Variants in SLC44A5 observed in about 807,000 individuals in gnomAD.
SLC44A5 encodes the protein choline transporter-like protein 5.
A neutral mutation model predicts 101.8 loss-of-function variants in SLC44A5; 57 were observed. The observed-to-expected ratio is 0.56, with a 90% CI of 0.45 to 0.70. SLC44A5 has a LOEUF of 0.70. Among genes scored for constraint, SLC44A5 ranks in the 30% least tolerant of loss-of-function variants. SLC44A5 has a pLI of 0.00. For synonymous variants in SLC44A5, 281 were observed against 290.9 expected (o/e 0.97, Z 0.35); for missense variants, 737 against 853.1 (o/e 0.86, Z 1.70).
intron 3 of SLC44A5, among the ~76,000 whole-genome samples, chr1:75,350,593 G>T (rs971232757): frequency 1.3e-5 from 2 of 150,876 alleles, no homozygotes; most frequent in Admixed American, 1.3e-4. Context: ...AAAAAACAAG[G>T]ATAGAAAAAG....
chr1:75,615,008 G>A (rs1392841303), upstream of SLC44A5, among the ~76,000 whole-genome samples: 1 of 152,040 alleles, frequency 6.6e-6, no homozygotes, highest in Non-Finnish European at 1.5e-5. Context: ...GCGACCCCTA[G>A]GCAAGACGCA....
At chr1:75,531,769 T>G (rs1430590850) in intron 2 of SLC44A5, among the ~76,000 whole-genome samples, 1 of 152,234 alleles carries the variant, frequency 6.6e-6, no homozygotes, top group Admixed American at 6.5e-5. Flanking sequence ...AAACTTTCAG[T>G]GCTTCCCTCT....
intron 3 of SLC44A5, among the ~76,000 whole-genome samples, chr1:75,362,848 G>A (rs57312076): frequency 0.38 from 57,278 of 151,724 alleles, 10,901 homozygotes; most frequent in Middle Eastern, 0.46. Context: ...AAGTCCACGC[G>A]AGTATAAGTA....
At chr1:75,388,908 C>CTGTCTTCAA (rs1294010618) in intron 3 of SLC44A5, among the ~76,000 whole-genome samples, 1 of 152,154 alleles carries the variant, frequency 6.6e-6, no homozygotes, top group Non-Finnish European at 1.5e-5. Context: ...CAACCTTTCT[C>CTGTCTTCAA]TGTCTTCAAG....
intron 2 of SLC44A5, among the ~76,000 whole-genome samples, chr1:75,454,421 T>C (rs887745211): frequency 1.3e-5 from 2 of 152,044 alleles, no homozygotes; most frequent in Non-Finnish European, 2.9e-5. Flanking sequence ...GAGCCATCTA[T>C]GAAAACCCAC....
Position 75,422,922 on chromosome 1 carries a change from C to T in SLC44A5, c.14-26301G>A, listed in dbSNP as rs556074451. ...GTAGAGACTCAGACTTAACAGAAGC[C>T]AGACCTCTTCTCTTCCTGTTGTCTT... On this transcript the variant is annotated intron_variant, in intron 2 of 23. Transcript: ENST00000370859. 4.6e-5 allele frequency among the ~76,000 whole-genome samples: 7 copies of T among 152,302 alleles called. No homozygotes were observed. The East Asian group carries it at 1.2e-3, about 25-fold the overall frequency.
At chr1:75,702,913 G>T in the SLC44A5 span, among the ~76,000 whole-genome samples, 843 of 152,092 alleles carry the variant, frequency 5.5e-3, 6 homozygotes, top group African/African-American at 0.018. Context: ...GAAAAAATGC[G>T]CATCATCACT....
At position 75,516,900 on chromosome 1, in the gene SLC44A5, C is replaced by A. The variant is rs368493254; in HGVS notation, c.13+24535G>T. 9.2e-5 allele frequency among the ~76,000 whole-genome samples: 14 copies of A among 152,294 alleles called. No individual in the cohort carries two copies. The East Asian group carries it at 2.5e-3, about 27-fold the overall frequency. Reference sequence around the variant, plus strand: ...TCTTAGCTGCTGCATCCTAGAGTATCTCCCATTATAAGTCTCTAAAATTAT... The same window carrying A: ...TCTTAGCTGCTGCATCCTAGAGTATATCCCATTATAAGTCTCTAAAATTAT... On this transcript the variant is annotated intron_variant, in intron 2 of 23. Coordinates refer to ENST00000370859, the MANE Select transcript of SLC44A5 (RefSeq NM_001130058.2).
chr1:75,496,973 CA>C (rs1668711337), intron 2 of SLC44A5, among the ~76,000 whole-genome samples: 1 of 151,750 alleles, frequency 6.6e-6, no homozygotes, highest in African/African-American at 2.4e-5. Flanking sequence ...ATCAAAAAGA[CA>C]AAAAATAAGT....
At chr1:75,491,251 G>A (rs1223771898) in intron 2 of SLC44A5, among the ~76,000 whole-genome samples, 3 of 152,094 alleles carry the variant, frequency 2.0e-5, no homozygotes, top group African/African-American at 7.2e-5. Context: ...TATTGTGACT[G>A]GTTGTGATAC....
chr1:75,487,759 G>A (rs987411868), intron 2 of SLC44A5, among the ~76,000 whole-genome samples: 15 of 152,166 alleles, frequency 9.9e-5, no homozygotes, highest in African/African-American at 2.6e-4. Flanking sequence ...ATATGAGATC[G>A]CCTACTACCC....
intron 2 of SLC44A5, among the ~76,000 whole-genome samples, chr1:75,496,614 A>C (rs1238700559): frequency 5.3e-5 from 8 of 151,984 alleles, no homozygotes; most frequent in African/African-American, 1.9e-4. Flanking sequence ...CAACAACAAA[A>C]AAAAAAACAA....
chr1:75,603,191 T>C (rs1212850910), intron 1 of SLC44A5, among the ~76,000 whole-genome samples: 2 of 152,094 alleles, frequency 1.3e-5, no homozygotes, highest in Non-Finnish European at 2.9e-5. Context: ...TGTCTATTAG[T>C]ACCTGTTGTT....
intron 1 of SLC44A5, among the ~76,000 whole-genome samples, chr1:75,552,729 G>A (rs1672008549): frequency 6.7e-6 from 1 of 150,308 alleles, no homozygotes; most frequent in South Asian, 2.1e-4. Flanking sequence ...TGGAGTGTCT[G>A]TTGCTTTAAA....
At chr1:75,643,572 T>C in the SLC44A5 span, among the ~76,000 whole-genome samples, 1 of 152,186 alleles carries the variant, frequency 6.6e-6, no homozygotes, top group Non-Finnish European at 1.5e-5. Flanking sequence ...ATAGCTCCCA[T>C]AATCACCATG....
At chr1:75,350,129 C>T (rs1311626134) in intron 3 of SLC44A5, among the ~76,000 whole-genome samples, 2 of 151,920 alleles carry the variant, frequency 1.3e-5, no homozygotes, top group African/African-American at 4.8e-5. Context: ...GAAGTAAGGG[C>T]CTTTGAGGGT....
intron 1 of SLC44A5, among the ~76,000 whole-genome samples, chr1:75,586,367 A>G (rs1557935976): frequency 1.6e-5 from 1 of 61,766 alleles, no homozygotes; most frequent in African/African-American, 4.0e-5. Flanking sequence ...CTGTATGTAT[A>G]TATGTGTGTG....
At chr1:75,622,718 A>C in the SLC44A5 span, among the ~76,000 whole-genome samples, 1 of 152,046 alleles carries the variant, frequency 6.6e-6, no homozygotes, top group South Asian at 2.1e-4. Flanking sequence ...AAAATACATA[A>C]ACAACTAGAA....
chr1:75,479,629 G>C (rs375290394), intron 2 of SLC44A5, among the ~76,000 whole-genome samples: 2 of 130,830 alleles, frequency 1.5e-5, no homozygotes, highest in Admixed American at 7.5e-5. Flanking sequence ...ACACCTCTAC[G>C]CAAATGAACT....
Sources: gnomAD v4.1 joint callset for allele counts (sites outside exome capture counted in the v4.1 genomes callset) on GRCh38, gnomAD v4.1.1 for gene constraint, MANE v1.5 for transcripts, NCBI Gene and HGNC (gene_info 2026-07-23, HGNC 2026-07-21) for gene names.